CACNA1C: variants seen among roughly 807,000 people sequenced by gnomAD.
The protein encoded by CACNA1C is calcium voltage-gated channel subunit alpha1 C, also known as voltage-dependent L-type calcium channel subunit alpha-1C.
Under a neutral mutation model 229.0 loss-of-function variants are expected in CACNA1C, and 30 were observed. That is an observed-to-expected ratio of 0.13 (90% CI 0.10 to 0.18). The LOEUF (loss-of-function observed/expected upper bound fraction) is 0.18, where lower values mean the gene tolerates loss of function less well. Ranked by LOEUF, CACNA1C falls within the 10% of genes least tolerant of loss-of-function variation. The pLI is 1.00. For missense variants in CACNA1C, 1,658 were observed against 2,845.0 expected, an observed-to-expected ratio of 0.58 and a Z score of 9.49; for synonymous variants, 1,114 against 1,132.5, an observed-to-expected ratio of 0.98 and a Z score of 0.33.
In CACNA1C at chr12:2,082,241, T is replaced by C. The variant is rs2065913120; in HGVS notation, c.49+28630T>C. On this transcript the variant is annotated intron_variant, in intron 1 of 46. Coordinates refer to ENST00000399655, the MANE Select transcript of CACNA1C (RefSeq NM_000719.7). ...TGAGACTCCCTGCTCTTTTCCACAG[T>C]GTCTGCCCCTCACTGTTTCCTTCTC... Among the ~76,000 whole-genome samples, 4 of 152,208 alleles carry C rather than the reference T, an allele frequency of 2.6e-5. No individual in the cohort carries two copies. The South Asian group carries it at 8.3e-4, about 32-fold the overall frequency.
chr12:2,221,955 C>T (rs767223139), intron 3 of CACNA1C, among the ~76,000 whole-genome samples: 4 of 152,112 alleles, frequency 2.6e-5, no homozygotes, highest in African/African-American at 9.7e-5. Context: ...ACAATATGAT[C>T]CCAAATTTTA....
chr12:2,454,608 T>C (rs1366933448), intron 4 of CACNA1C, among the ~76,000 whole-genome samples: 3 of 152,172 alleles, frequency 2.0e-5, no homozygotes, highest in African/African-American at 4.8e-5. Context: ...CAACCAGAGA[T>C]CTGCTTGGTA....
At chr12:2,413,969 C>G (rs890634484) in intron 3 of CACNA1C, among the ~76,000 whole-genome samples, 1 of 152,066 alleles carries the variant, frequency 6.6e-6, no homozygotes, top group South Asian at 2.1e-4. Flanking sequence ...TTTAAATAAC[C>G]CCCCACCCAA....
intron 5 of CACNA1C, among the ~76,000 whole-genome samples, chr12:2,480,993 G>A (rs2099673778): frequency 6.6e-6 from 1 of 152,186 alleles, no homozygotes; most frequent in African/African-American, 2.4e-5. Flanking sequence ...TCAAAAGAGG[G>A]AAGTATGGGT....
At position 2,632,699 on chromosome 12, in the gene CACNA1C, C is replaced by A. The variant is rs990687078; in HGVS notation, c.3829-1598C>A. On this transcript the variant is annotated intron_variant, in intron 29 of 46. Transcript: ENST00000399655. This position sits in a 1 kb window ranked among gnomAD's most constrained non-coding sequence, Gnocchi z 4.1. The stretch of plus-strand genomic sequence containing the variant: ...CCCCTTCTAGGCAGCCAGCCTCCCC[C>A]AACCTACCAGCCTATCCCTAGCAAA... 6.6e-6 allele frequency among the ~76,000 whole-genome samples: 1 copy of A among 152,206 alleles called. No individual in the cohort carries two copies. Among genetic ancestry groups the A allele is most frequent in the Non-Finnish European group, 1.5e-5 (1 of 68,018 alleles).
intron 3 of CACNA1C, among the ~76,000 whole-genome samples, chr12:2,143,473 T>G (rs1025298334): frequency 2.6e-5 from 4 of 151,142 alleles, no homozygotes; most frequent in Non-Finnish European, 4.4e-5. Context: ...AGATTATTTT[T>G]TATGTACCTT....
At chr12:2,122,932 G>A (rs2087584462) in intron 3 of CACNA1C, among the ~76,000 whole-genome samples, 1 of 152,192 alleles carries the variant, frequency 6.6e-6, no homozygotes, top group African/African-American at 2.4e-5. Context: ...TTCACATTTA[G>A]TAGTTCTGGG....
At chr12:2,642,111 G>A (rs2093778553) in intron 30 of CACNA1C, among the ~76,000 whole-genome samples, 1 of 152,124 alleles carries the variant, frequency 6.6e-6, no homozygotes, top group South Asian at 2.1e-4. Flanking sequence ...GGTTTGACCC[G>A]AAAGGTCATG....
intron 1 of CACNA1C, among the ~76,000 whole-genome samples, chr12:2,112,822 G>A (rs915732734): frequency 3.3e-5 from 5 of 152,186 alleles, no homozygotes; most frequent in African/African-American, 1.2e-4. Flanking sequence ...ATATAGCATT[G>A]TGGACAGTGA....
intron 3 of CACNA1C, among the ~76,000 whole-genome samples, chr12:2,439,219 G>A (rs2099190605): frequency 6.6e-6 from 1 of 152,204 alleles, no homozygotes; most frequent in African/African-American, 2.4e-5. Context: ...CAGGTGGCTG[G>A]CCTGGGTGGC....
At chr12:2,452,803 C>G (rs2099390799) in intron 4 of CACNA1C, among the ~76,000 whole-genome samples, 1 of 152,224 alleles carries the variant, frequency 6.6e-6, no homozygotes, top group African/African-American at 2.4e-5. Flanking sequence ...CTCCGATCAG[C>G]ATATTACTTT....
intron 3 of CACNA1C, among the ~76,000 whole-genome samples, chr12:2,385,728 G>A (rs73244798): frequency 0.014 from 2,130 of 152,240 alleles, 52 homozygotes; most frequent in African/African-American, 0.046. Flanking sequence ...GTGGCCCCTA[G>A]GATAACTATA....
At chr12:2,349,975 A>G (rs564120995) in intron 3 of CACNA1C, among the ~76,000 whole-genome samples, 2 of 152,306 alleles carry the variant, frequency 1.3e-5, no homozygotes, top group Admixed American at 1.3e-4. Flanking sequence ...AGAGAAAGAA[A>G]TGGAGCCAGG....
chr12:2,351,713 C>T (rs1430551745), intron 3 of CACNA1C, among the ~76,000 whole-genome samples: 1 of 152,316 alleles, frequency 6.6e-6, no homozygotes, highest in South Asian at 2.1e-4. Context: ...GAAGGGAAAA[C>T]AGCATTGCAC....
chr12:2,208,243 G>A (rs892280664), intron 3 of CACNA1C, among the ~76,000 whole-genome samples: 4 of 152,184 alleles, frequency 2.6e-5, no homozygotes, highest in African/African-American at 9.7e-5. Context: ...ATGTCTAAGA[G>A]GAATGAGAAG....
At chr12:2,272,331 T>C (rs1166289354) in intron 3 of CACNA1C, among the ~76,000 whole-genome samples, 1 of 152,156 alleles carries the variant, frequency 6.6e-6, no homozygotes, top group Non-Finnish European at 1.5e-5. Flanking sequence ...ATTCTTCGAT[T>C]CCAGCTCCAG....
At chr12:2,017,204 G>T (rs1392630922) in intron 1 of CACNA1C, among the ~76,000 whole-genome samples, 1 of 152,194 alleles carries the variant, frequency 6.6e-6, no homozygotes, top group Non-Finnish European at 1.5e-5. Flanking sequence ...GCCTACATGA[G>T]ACTGGGATGG....
At chr12:2,176,713 C>T (rs1167659263) in intron 3 of CACNA1C, among the ~76,000 whole-genome samples, 4 of 152,102 alleles carry the variant, frequency 2.6e-5, no homozygotes, top group Admixed American at 6.5e-5. Flanking sequence ...CATAAAATCC[C>T]GGAGCAGAAA....
At chr12:2,087,701 G>A (rs140296808) in intron 1 of CACNA1C, among the ~76,000 whole-genome samples, 1 of 152,208 alleles carries the variant, frequency 6.6e-6, no homozygotes, top group South Asian at 2.1e-4. Flanking sequence ...AGAAAAAAAT[G>A]GGAGTGGAAG....
Sources: gnomAD v4.1 joint callset for allele counts (sites outside exome capture counted in the v4.1 genomes callset) on GRCh38, gnomAD v4.1.1 for gene constraint, Gnocchi (gnomAD v3.1) non-coding constraint, MANE v1.5 for transcripts, NCBI Gene and HGNC (gene_info 2026-07-23, HGNC 2026-07-21) for gene names.